TRAPPC9: variants seen among roughly 807,000 people sequenced by gnomAD.
TRAPPC9 encodes trafficking protein particle complex subunit 9.
In TRAPPC9, 83 loss-of-function variants were observed where a neutral mutation model predicts 124.0. The ratio of observed to expected loss-of-function variants is 0.67; its 90% CI spans 0.56 to 0.80. TRAPPC9 has a LOEUF of 0.80. TRAPPC9 is among the 30% of genes least tolerant of loss of function. TRAPPC9 has a pLI of 0.00. For missense variants in TRAPPC9, 1,302 were observed against 1,508.3 expected (o/e 0.86, Z 2.27); for synonymous variants, 638 against 617.5 (o/e 1.03, Z -0.49).
intron 4 of TRAPPC9, among the ~76,000 whole-genome samples, chr8:140,431,260 C>T (rs2070634006): frequency 6.6e-6 from 1 of 151,894 alleles, no homozygotes; most frequent in South Asian, 2.1e-4. Context: ...AGTTCAAGAC[C>T]AGCCTGGCCA....
chr8:140,451,395 G>A lies in TRAPPC9; in HGVS notation c.-10-12C>T, dbSNP rs536258902. 2 of 1,595,282 alleles carry A rather than the reference G, an allele frequency of 1.3e-6. No homozygotes were observed. The highest frequency in any genetic ancestry group is 1.7e-6 in the Non-Finnish European group (2 of 1,176,564). On this transcript the variant is annotated splice_polypyrimidine_tract_variant and intron_variant, in intron 1 of 22. Coordinates refer to ENST00000438773, the MANE Select transcript of TRAPPC9 (RefSeq NM_001160372.4). ...TCATTTTGAAGTCCCTGTTCAGAGAGAAGAAATGAGGCTGTGAGACACAGA... is the reference window on the plus strand; with the variant it reads ...TCATTTTGAAGTCCCTGTTCAGAGAAAAGAAATGAGGCTGTGAGACACAGA...
chr8:140,296,062 G>A (rs751682427), intron 11 of TRAPPC9, among the ~76,000 whole-genome samples: 5 of 152,100 alleles, frequency 3.3e-5, no homozygotes, highest in African/African-American at 7.2e-5. Flanking sequence ...CATGGAGCCC[G>A]GGGAATGTCA....
At chr8:140,056,156 C>T (rs552642453) in intron 17 of TRAPPC9, among the ~76,000 whole-genome samples, 22 of 152,150 alleles carry the variant, frequency 1.4e-4, no homozygotes, top group Non-Finnish European at 2.8e-4. Flanking sequence ...TGCCTGGAAT[C>T]CCAGCACTTT....
chr8:139,976,484 G>GC (rs1452566271), intron 19 of TRAPPC9, among the ~76,000 whole-genome samples: 2 of 152,108 alleles, frequency 1.3e-5, no homozygotes, highest in Non-Finnish European at 2.9e-5. Context: ...TCGCAGACTG[G>GC]GAGAAGTATC....
intron 21 of TRAPPC9, among the ~76,000 whole-genome samples, chr8:139,738,791 C>G (rs1239687556): frequency 6.6e-6 from 1 of 152,188 alleles, no homozygotes; most frequent in African/African-American, 2.4e-5. Context: ...CACCACTTCC[C>G]AGGCCACTAG....
chr8:140,419,293 G>A (rs1486063815), intron 5 of TRAPPC9, among the ~76,000 whole-genome samples: 3 of 151,292 alleles, frequency 2.0e-5, no homozygotes, highest in Admixed American at 2.0e-4. Flanking sequence ...GCCGCGCGTG[G>A]TGGCGGGCAC....
chr8:140,012,498 T>C (rs1422603511), intron 18 of TRAPPC9, among the ~76,000 whole-genome samples: 10 of 152,220 alleles, frequency 6.6e-5, no homozygotes, highest in Non-Finnish European at 1.3e-4. Flanking sequence ...ACACAGTTTC[T>C]TACTGGAATC....
chr8:140,103,795 G>T (rs1042443048), intron 17 of TRAPPC9, among the ~76,000 whole-genome samples: 2 of 152,138 alleles, frequency 1.3e-5, no homozygotes, highest in Non-Finnish European at 2.9e-5. Flanking sequence ...GGTACTAAGA[G>T]GTTCTAAGAC....
At chr8:140,437,883 C>T (rs1030293802) in intron 3 of TRAPPC9, among the ~76,000 whole-genome samples, 2 of 152,200 alleles carry the variant, frequency 1.3e-5, no homozygotes, top group Non-Finnish European at 2.9e-5. Context: ...CATCCGATTC[C>T]ACCACGAAGT....
intron 7 of TRAPPC9, among the ~76,000 whole-genome samples, chr8:140,378,972 T>A (rs957469273): frequency 4.6e-5 from 7 of 152,222 alleles, no homozygotes; most frequent in African/African-American, 7.2e-5. Context: ...TATCTCTTAA[T>A]CAGAATTTTA....
chr8:140,334,574 C>T (rs554674002), intron 9 of TRAPPC9, among the ~76,000 whole-genome samples: 4 of 151,892 alleles, frequency 2.6e-5, no homozygotes, highest in East Asian at 3.9e-4. Context: ...CGCTTGAACC[C>T]GGGAGGTGGA....
intron 21 of TRAPPC9, among the ~76,000 whole-genome samples, chr8:139,861,112 C>T (rs368288548): frequency 2.2e-4 from 33 of 152,354 alleles, no homozygotes; most frequent in East Asian, 5.8e-4. Flanking sequence ...TCCCTGCTGC[C>T]GCAAAGAAAT....
intron 17 of TRAPPC9, among the ~76,000 whole-genome samples, chr8:140,166,574 T>C (rs1430719401): frequency 6.6e-6 from 1 of 152,186 alleles, no homozygotes. Flanking sequence ...GTAGTGTTTC[T>C]AGGGAAATAT....
chr8:140,187,770 G>GCTCAAGTGATC (rs1440907436), intron 17 of TRAPPC9, among the ~76,000 whole-genome samples: 1 of 152,108 alleles, frequency 6.6e-6, no homozygotes, highest in Non-Finnish European at 1.5e-5. Flanking sequence ...GACCTCCTGG[G>GCTCAAGTGATC]CTCAAGTGAT....
At chr8:140,084,958 G>A (rs1844089085) in intron 17 of TRAPPC9, among the ~76,000 whole-genome samples, 1 of 152,212 alleles carries the variant, frequency 6.6e-6, no homozygotes, top group Non-Finnish European at 1.5e-5. Flanking sequence ...GGAGAGGCCT[G>A]GGATGAGCGT....
intron 21 of TRAPPC9, among the ~76,000 whole-genome samples, chr8:139,857,745 C>A (rs936702458): frequency 1.3e-5 from 2 of 152,234 alleles, no homozygotes; most frequent in Non-Finnish European, 2.9e-5. Context: ...AGGCTGGGTG[C>A]CCTGGGCTGC....
chr8:140,265,025 G>A (rs1013483007), intron 15 of TRAPPC9, among the ~76,000 whole-genome samples: 4 of 152,114 alleles, frequency 2.6e-5, no homozygotes, highest in East Asian at 1.9e-4. Flanking sequence ...TCGTCATCAC[G>A]CCAGCTGAAC....
chr8:140,327,518 A>AT (rs57151282), intron 9 of TRAPPC9, among the ~76,000 whole-genome samples: 1 of 152,346 alleles, frequency 6.6e-6, no homozygotes, highest in East Asian at 1.9e-4. Flanking sequence ...CCAAATGTCC[A>AT]TTGACTGATG....
intron 8 of TRAPPC9, among the ~76,000 whole-genome samples, chr8:140,363,592 C>A (rs537661498): frequency 2.6e-4 from 40 of 152,090 alleles, no homozygotes; most frequent in Admixed American, 8.5e-4. Flanking sequence ...CTCCTCCTGA[C>A]ACAAACGTCT....
Sources: gnomAD v4.1 joint callset for allele counts (sites outside exome capture counted in the v4.1 genomes callset) on GRCh38, gnomAD v4.1.1 for gene constraint, MANE v1.5 for transcripts, NCBI Gene and HGNC (gene_info 2026-07-23, HGNC 2026-07-21) for gene names.